The following CNKSR3 variants were observed in gnomAD, a reference collection of about 807,000 sequenced individuals.
CNKSR3 encodes CNKSR family member 3.
CNKSR3 carries 36 observed loss-of-function variants against 67.7 expected under a neutral mutation model. That is an observed-to-expected ratio of 0.53 (90% confidence interval 0.41 to 0.70). The LOEUF (loss-of-function observed/expected upper bound fraction) is 0.70, where lower values mean the gene tolerates loss of function less well. Ranked by LOEUF, CNKSR3 falls within the 30% of genes least tolerant of loss-of-function variation. CNKSR3 has a pLI of 0.00. For synonymous variants in CNKSR3, 281 were observed against 271.4 expected, an observed-to-expected ratio of 1.04 and a Z score of -0.35; for missense variants, 630 against 695.2, an observed-to-expected ratio of 0.91 and a Z score of 1.05.
intron 1 of CNKSR3, among the ~76,000 whole-genome samples, chr6:154,490,571 C>A (rs2114648616): frequency 6.6e-6 from 1 of 152,320 alleles, no homozygotes; most frequent in East Asian, 1.9e-4. Context: ...AGTTCCTCCA[C>A]AAAGGAAGGC....
rs924955666 is a variant in CNKSR3, at chr6:154,441,608, C to T, written c.420-229G>A. ...AAGCAACTCTCCTGCCTCAGCCTCC[C>T]GAGTAGCTGGGATTACAGGCATGTG... On this transcript the variant is annotated intron_variant, in intron 3 of 12. Transcript: ENST00000607772. 9.9e-5 allele frequency among the ~76,000 whole-genome samples: 15 copies of T among 152,136 alleles called. 1 individual carries two copies. The highest frequency in any genetic ancestry group is 9.8e-4 in the Admixed American group (15 of 15,276).
rs1442412163 is a variant in CNKSR3 at position 154,454,832 on chromosome 6, A to AT, written c.53-4575_53-4574insA. ...CCACTATACCTGGCAGAAAAAAAAAAAATAATAATAAAATTTTTGAAAGAG... is the reference window on the plus strand; with the variant it reads ...CCACTATACCTGGCAGAAAAAAAAAATAATAATAATAAAATTTTTGAAAGAG... On this transcript the variant is annotated intron_variant, in intron 1 of 12. Coordinates refer to ENST00000607772, the MANE Select transcript of CNKSR3 (RefSeq NM_173515.4). Among the ~76,000 whole-genome samples, 21 of 151,590 alleles carry AT rather than the reference A, an allele frequency of 1.4e-4. 1 individual carries two copies. Among genetic ancestry groups the AT allele is most frequent in the Non-Finnish European group, 2.4e-4 (16 of 67,936 alleles).
rs1784784306 is a variant in CNKSR3, at chr6:154,406,205, C to A, written c.*149G>T. On this transcript the variant is annotated 3_prime_UTR_variant, in exon 13 of 13. Coordinates refer to ENST00000607772, the MANE Select transcript of CNKSR3 (RefSeq NM_173515.4). ...GTTCCCATCCAATCCTGCAAACTTC[C>A]AAGAAGGGCAGTAGATAACTTTTCA... 2.8e-6 allele frequency: 2 copies of A among 723,752 alleles called. No individual in the cohort carries two copies. Among genetic ancestry groups the A allele is most frequent in the African/African-American group, 1.8e-5 (1 of 55,980 alleles). 44.8% of individuals were successfully genotyped at this position (723,752 alleles called of 1,614,324 possible). A position where few individuals can be genotyped will look rare whatever the true frequency, so the allele number is the denominator to read the frequency against.
Position 154,510,274 on chromosome 6 carries a change from C to A in CNKSR3, c.-160G>T. 2.8e-6 allele frequency: 2 copies of A among 725,372 alleles called. No individual in the cohort carries two copies. Among genetic ancestry groups the A allele is most frequent in the Non-Finnish European group, 4.6e-6 (2 of 438,670 alleles). The allele number at this position is 725,372 out of a possible 1,614,324, so 44.9% of individuals were successfully genotyped here. ...GGCCGCGGTCAGCCAGTCGTCCCAG[C>A]GCGGCTCCGCCAGGGGAGCCCGGCC... On this transcript the variant is annotated 5_prime_UTR_variant, in exon 1 of 13. Transcript: ENST00000607772.
chr6:154,413,470 A>G (rs973869107), intron 10 of CNKSR3, among the ~76,000 whole-genome samples: 2 of 151,958 alleles, frequency 1.3e-5, no homozygotes, highest in Non-Finnish European at 2.9e-5. Flanking sequence ...GGCTCAAGCA[A>G]TCCTCTGAAC....
chr6:154,435,299 A>T (rs945055916), intron 4 of CNKSR3, among the ~76,000 whole-genome samples: 1 of 151,918 alleles, frequency 6.6e-6, no homozygotes, highest in Admixed American at 6.6e-5. Flanking sequence ...CCGGCCCACA[A>T]ATCTCTAAAT....
At chr6:154,441,456 G>T in intron 3 of CNKSR3, 77 bp from the exon 4 acceptor site, 1 of 992,164 alleles carries the variant, frequency 1.0e-6, no homozygotes, top group Non-Finnish European at 1.6e-6. Context: ...GGTAAGCATA[G>T]CTACCCCATG....
chr6:154,421,071 T>A (rs2128713600), intron 9 of CNKSR3, among the ~76,000 whole-genome samples: 1 of 152,328 alleles, frequency 6.6e-6, no homozygotes, highest in African/African-American at 2.4e-5. Flanking sequence ...TGAAGTGTAG[T>A]GCCGCGATCT....
rs1392702006 is a variant in CNKSR3, at chr6:154,393,832, T to C, written c.*12522A>G. The C allele has an allele frequency of 6.6e-6, 1 of 152,240 alleles. No homozygotes were observed. Among genetic ancestry groups the C allele is most frequent in the Non-Finnish European group, 1.5e-5 (1 of 68,036 alleles). The allele number at this position is 152,240 out of a possible 1,614,324, so 9.4% of individuals were successfully genotyped here. A position where few individuals can be genotyped will look rare whatever the true frequency, so the allele number is the denominator to read the frequency against. On this transcript the variant is annotated 3_prime_UTR_variant, in exon 13 of 13. Coordinates refer to ENST00000607772, the MANE Select transcript of CNKSR3 (RefSeq NM_173515.4). ...GAATTAAAGAGTAATGAAAATGCCA[T>C]ATACCAAGCCTTGCAAAACATGGCA... is the stretch of plus-strand genomic sequence containing the variant.
In CNKSR3 at chr6:154,414,411, G is replaced by A; in HGVS notation, c.958C>T (p.Pro320Ser). Residue 320 changes from proline to serine, a missense_variant, in exon 10 of 13, where the codon CCC becomes TCC. Pro to Ser is a moderately conservative substitution (Grantham distance 74). Transcript: ENST00000607772. The stretch of plus-strand genomic sequence containing the variant: ...CTTTCAGGGGACTGGGTTGTCGCGG[G>A]TGGAGGTGAGGTCTGAAACAGGAGT... ...KPPLVQTSPP[P>S]ATTQSPESTM... 1 of 1,595,078 alleles carries A rather than the reference G, an allele frequency of 6.3e-7. No homozygotes were observed. Among genetic ancestry groups the A allele is most frequent in the African/African-American group, 1.3e-5 (1 of 74,140 alleles).
chr6:154,455,305 A>G (rs545720459), intron 1 of CNKSR3, among the ~76,000 whole-genome samples: 2 of 152,216 alleles, frequency 1.3e-5, no homozygotes, highest in South Asian at 4.2e-4. Context: ...CATCTCAAAA[A>G]ACCAAAAAAA....
intron 1 of CNKSR3, among the ~76,000 whole-genome samples, chr6:154,504,685 C>T (rs1405750701): frequency 6.7e-6 from 1 of 148,708 alleles, no homozygotes; most frequent in Non-Finnish European, 1.5e-5. Context: ...GGAAATTATT[C>T]AAACACCTCA....
chr6:154,418,431 G>A (rs568206484), intron 9 of CNKSR3, among the ~76,000 whole-genome samples: 10 of 152,134 alleles, frequency 6.6e-5, no homozygotes, highest in Non-Finnish European at 1.0e-4. Context: ...TTTTGTGGGC[G>A]AGTGTGTTTG....
At chr6:154,461,790 A>G (rs1786083856) in intron 1 of CNKSR3, among the ~76,000 whole-genome samples, 1 of 152,250 alleles carries the variant, frequency 6.6e-6, no homozygotes, top group African/African-American at 2.4e-5. Flanking sequence ...CACACAACCA[A>G]TAATAGGCAG....
rs746760781 is a variant in CNKSR3 at position 154,436,466 on chromosome 6, G to T, written c.508-2959C>A. Among the ~76,000 whole-genome samples the T allele has an allele frequency of 3.9e-5, 6 of 152,278 alleles. No homozygotes were observed. In the East Asian group the frequency reaches 1.2e-3, roughly 29 times the overall value. On this transcript the variant is annotated intron_variant, in intron 4 of 12. Coordinates refer to ENST00000607772, the MANE Select transcript of CNKSR3 (RefSeq NM_173515.4). ...CTGAGCCATTGAGCCTGGCAGGCTTGTTTTCTTTCCATTCAGTTTTCTCAA... is the reference window on the plus strand; with the variant it reads ...CTGAGCCATTGAGCCTGGCAGGCTTTTTTTCTTTCCATTCAGTTTTCTCAA...
intron 2 of CNKSR3, among the ~76,000 whole-genome samples, chr6:154,446,807 T>A (rs1425260729): frequency 6.7e-6 from 1 of 148,922 alleles, no homozygotes; most frequent in Admixed American, 6.7e-5. Flanking sequence ...CTTATCTTTT[T>A]TTTTTTTTTT....
At position 154,504,138 on chromosome 6, in the gene CNKSR3, A is replaced by T. The variant is rs111668058; in HGVS notation, c.52+5925T>A. ...GCAAAAACCATCCTATGCCATGCTC[A>T]CTGCAAGCCCAGGTACTATTTTTTA... On this transcript the variant is annotated intron_variant, in intron 1 of 12. Coordinates refer to ENST00000607772, the MANE Select transcript of CNKSR3 (RefSeq NM_173515.4). Among the ~76,000 whole-genome samples, 827 of 152,334 alleles carry T rather than the reference A, an allele frequency of 5.4e-3. 7 individuals carry two copies. Among genetic ancestry groups the T allele is most frequent in the African/African-American group, 0.019 (777 of 41,572 alleles).
intron 2 of CNKSR3, 109 bp downstream of exon 2, chr6:154,449,986 T>C: frequency 9.6e-7 from 1 of 1,045,714 alleles, no homozygotes; most frequent in Non-Finnish European, 1.4e-6. Context: ...TTTATTTTGA[T>C]GGAGCATTAA....
intron 1 of CNKSR3, among the ~76,000 whole-genome samples, chr6:154,486,054 G>A (rs1240065556): frequency 6.6e-6 from 1 of 152,218 alleles, no homozygotes; most frequent in Non-Finnish European, 1.5e-5. Flanking sequence ...AGCAGGAAAT[G>A]TAGTAAGTGT....
Sources: gnomAD v4.1 joint callset for allele counts (sites outside exome capture counted in the v4.1 genomes callset) on GRCh38, gnomAD v4.1.1 for gene constraint, MANE v1.5 for transcripts, NCBI Gene and HGNC (gene_info 2026-07-23, HGNC 2026-07-21) for gene names.